Variants in CREB1 observed in about 807,000 individuals in gnomAD.
CREB1 encodes the protein cAMP responsive element binding protein 1.
Under a neutral mutation model 42.0 loss-of-function variants are expected in CREB1, and 2 were observed. That is an observed-to-expected ratio of 0.05 (90% CI 0.02 to 0.15). The LOEUF (loss-of-function observed/expected upper bound fraction) is 0.15, where lower values mean the gene tolerates loss of function less well. CREB1 is among the 10% of genes least tolerant of loss of function. CREB1 has a pLI of 1.00. For synonymous variants in CREB1, 123 were observed against 139.9 expected (o/e 0.88, Z 0.85); for missense variants, 199 against 388.9 (o/e 0.51, Z 4.11).
chr2:207,590,009 AT>A (rs558735115), intron 7 of CREB1, among the ~76,000 whole-genome samples: 95 of 145,268 alleles, frequency 6.5e-4, no homozygotes, highest in African/African-American at 2.4e-3. Context: ...TAATATTTGT[AT>A]TATTTAAGCC....
At chr2:207,549,982 AAGAG>A (rs1166611536) in intron 1 of CREB1, among the ~76,000 whole-genome samples, 8 of 152,092 alleles carry the variant, frequency 5.3e-5, no homozygotes, top group South Asian at 2.1e-4. Context: ...AAAAAAAAAA[AAGAG>A]AGAAAAGAAT....
intron 1 of CREB1, among the ~76,000 whole-genome samples, chr2:207,530,944 G>A (rs1404849584): frequency 4.6e-5 from 7 of 151,034 alleles, no homozygotes; most frequent in Non-Finnish European, 8.8e-5. Flanking sequence ...CTTTTGGGGG[G>A]AATTTTTGAC....
intron 3 of CREB1, among the ~76,000 whole-genome samples, chr2:207,566,172 G>A (rs2106518368): frequency 6.6e-6 from 1 of 152,142 alleles, no homozygotes; most frequent in South Asian, 2.1e-4. Context: ...AACTTTACCT[G>A]GTTTCATTTT....
chr2:207,564,379 ATGCC>A, intron 3 of CREB1, among the ~76,000 whole-genome samples: 1 of 152,178 alleles, frequency 6.6e-6, no homozygotes, highest in Non-Finnish European at 1.5e-5. Flanking sequence ...GTGGTAGTGC[ATGCC>A]TGCAATCCCA....
At chr2:207,550,050 T>C (rs924712310) in intron 1 of CREB1, among the ~76,000 whole-genome samples, 1 of 152,106 alleles carries the variant, frequency 6.6e-6, no homozygotes, top group African/African-American at 2.4e-5. Flanking sequence ...AGGCACAACA[T>C]AACTGTGTAG....
intron 1 of CREB1, among the ~76,000 whole-genome samples, chr2:207,551,924 C>T (rs1444041619): frequency 6.6e-6 from 1 of 151,320 alleles, no homozygotes; most frequent in South Asian, 2.1e-4. Context: ...TGCCTGTAGT[C>T]CCAGCTACTC....
intron 7 of CREB1, among the ~76,000 whole-genome samples, chr2:207,588,507 C>T (rs1274004161): frequency 6.6e-6 from 1 of 152,060 alleles, no homozygotes; most frequent in African/African-American, 2.4e-5. Flanking sequence ...ATTCTGGTTC[C>T]TTTGCACTTT....
chr2:207,586,582 A>ATTTTAGTTTTTTAGCTTTTT (rs2083883724), intron 7 of CREB1, among the ~76,000 whole-genome samples: 1 of 152,210 alleles, frequency 6.6e-6, no homozygotes, highest in African/African-American at 2.4e-5. Context: ...TTAAACTAAA[A>ATTTTAGTTTTTTAGCTTTTT]AGCTTCTGAA....
At chr2:207,547,291 G>A (rs937144355) in intron 1 of CREB1, among the ~76,000 whole-genome samples, 5 of 152,156 alleles carry the variant, frequency 3.3e-5, no homozygotes, top group African/African-American at 4.8e-5. Flanking sequence ...TGATTTTGAC[G>A]TAATCACTTT....
At chr2:207,591,543 G>A (rs1398391698) in intron 7 of CREB1, among the ~76,000 whole-genome samples, 1 of 151,952 alleles carries the variant, frequency 6.6e-6, no homozygotes, top group African/African-American at 2.4e-5. Flanking sequence ...AGTGATTCTC[G>A]TGCCTCAGCT....
intron 1 of CREB1, among the ~76,000 whole-genome samples, 185 bp downstream of exon 1, chr2:207,530,319 C>T (rs1339349870): frequency 6.6e-6 from 1 of 150,934 alleles, no homozygotes; most frequent in African/African-American, 2.4e-5. Context: ...ATAATGGCGG[C>T]GGACTGGAGC....
chr2:207,547,108 C>T (rs2081329295), intron 1 of CREB1, among the ~76,000 whole-genome samples: 1 of 152,130 alleles, frequency 6.6e-6, no homozygotes, highest in African/African-American at 2.4e-5. Flanking sequence ...ATTATGACTC[C>T]TCCCATAACA....
intron 7 of CREB1, among the ~76,000 whole-genome samples, chr2:207,591,575 GGT>G (rs1260567588): frequency 6.6e-6 from 1 of 152,116 alleles, no homozygotes. Flanking sequence ...TAGGATTACA[GGT>G]GTGCGCCACC....
chr2:207,588,022 A>C (rs886642837), intron 7 of CREB1, among the ~76,000 whole-genome samples: 38 of 152,246 alleles, frequency 2.5e-4, no homozygotes, highest in African/African-American at 8.9e-4. Context: ...ATCATTACAT[A>C]CTGTATACAC....
rs549285034 is a variant in CREB1 at position 207,562,092 on chromosome 2, A to C, written c.261+1720A>C. On this transcript the variant is annotated intron_variant, in intron 3 of 7. Coordinates refer to ENST00000353267, the MANE Select transcript of CREB1 (RefSeq NM_004379.5). ...TATGAAATCACAATGACTGAGCAAT[A>C]GTCCTTTGCCTTAGTTTTTATTCCA... Among the ~76,000 whole-genome samples the C allele has an allele frequency of 1.5e-4, 23 of 152,342 alleles. No individual in the cohort carries two copies. In the East Asian group the frequency reaches 4.2e-3, roughly 28 times the overall value.
At chr2:207,569,020 C>T (rs551433637) in intron 4 of CREB1, among the ~76,000 whole-genome samples, 2 of 149,002 alleles carry the variant, frequency 1.3e-5, no homozygotes, top group Admixed American at 6.7e-5. Context: ...TTTCCTTGAA[C>T]AAATGAGCAG....
rs919327883 is a variant in CREB1 at position 207,601,382 on chromosome 2, G to T, written c.*4324G>T. On this transcript the variant is annotated 3_prime_UTR_variant, in exon 8 of 8. Coordinates refer to ENST00000353267, the MANE Select transcript of CREB1 (RefSeq NM_004379.5). ...ACTTTTTAAATGGAAGTTTTTCATT[G>T]ATTAAAATATTTTAGCACCTAAAAG... 13 of 185,504 alleles carry T rather than the reference G, an allele frequency of 7.0e-5. No individual in the cohort carries two copies. Among genetic ancestry groups the T allele is most frequent in the Non-Finnish European group, 1.1e-4 (10 of 87,694 alleles). 11.5% of individuals were successfully genotyped at this position (185,504 alleles called of 1,614,324 possible). A position where few individuals can be genotyped will look rare whatever the true frequency, so the allele number is the denominator to read the frequency against.
intron 1 of CREB1, among the ~76,000 whole-genome samples, chr2:207,549,440 G>A (rs2081417020): frequency 6.6e-6 from 1 of 151,610 alleles, no homozygotes; most frequent in Non-Finnish European, 1.5e-5. Flanking sequence ...AAAAAAAAAA[G>A]GTGCAGGAAA....
At chr2:207,570,013 G>T (rs1469075379) in intron 4 of CREB1, among the ~76,000 whole-genome samples, 166 bp from the exon 5 acceptor site, 1 of 136,778 alleles carries the variant, frequency 7.3e-6, no homozygotes, top group Non-Finnish European at 1.5e-5. Flanking sequence ...CTGCACTCCA[G>T]CCTGGCGACA....
Sources: allele counts gnomAD v4.1 joint callset (sites outside exome capture counted in the v4.1 genomes callset), GRCh38; gene constraint gnomAD v4.1.1; transcripts MANE v1.5; gene names NCBI Gene and HGNC (gene_info 2026-07-23, HGNC 2026-07-21).